Variants in SUPT5H observed in about 807,000 individuals in gnomAD.
The protein encoded by SUPT5H is SPT5 homolog, DSIF elongation factor subunit, also known as transcription elongation factor SPT5.
SUPT5H carries 24 observed loss-of-function variants against 142.5 expected under a neutral mutation model. The observed-to-expected ratio is 0.17, with a 90% confidence interval of 0.12 to 0.24. The LOEUF (loss-of-function observed/expected upper bound fraction) is 0.24, where lower values mean the gene tolerates loss of function less well. SUPT5H is among the 10% of genes least tolerant of loss of function. SUPT5H has a pLI of 1.00. For missense variants in SUPT5H, 893 were observed against 1,471.8 expected, an observed-to-expected ratio of 0.61 and a Z score of 6.43; for synonymous variants, 546 against 553.0, an observed-to-expected ratio of 0.99 and a Z score of 0.18.
chr19:39,472,547 C>T lies in SUPT5H; in HGVS notation c.2035+54C>T. 1 of 1,589,536 alleles carries T rather than the reference C, an allele frequency of 6.3e-7. No homozygotes were observed. The highest frequency in any genetic ancestry group is 2.2e-5 in the East Asian group (1 of 44,696). The stretch of plus-strand genomic sequence containing the variant: ...GGTGGGTAGAAGGGGCTGGAAGGAA[C>T]TTGGTTGTTCAGCCTACACTCACTG... On this transcript the variant is annotated intron_variant, in intron 21 of 29. Transcript: ENST00000432763. This position sits in a 1 kb window ranked among gnomAD's most constrained non-coding sequence, Gnocchi z 4.2.
chr19:39,472,384 A>C lies in SUPT5H; in HGVS notation c.1951-25A>C, dbSNP rs371161852. On this transcript the variant is annotated intron_variant, in intron 20 of 29. Coordinates refer to ENST00000432763, the MANE Select transcript of SUPT5H (RefSeq NM_001111020.3). The surrounding 1 kb of genome is among the most constrained non-coding windows in gnomAD (Gnocchi z 4.2). ...GTGGTTCCCCCATCCCCTGCCTGCC[A>C]GTTCACTCCTTGCTTCTATCCTAGC... The C allele has an allele frequency of 2.1e-5, 34 of 1,612,390 alleles. No individual in the cohort carries two copies. In the African/African-American group the frequency reaches 2.4e-4, roughly 11 times the overall value.
In SUPT5H at chr19:39,470,060, C is replaced by G; in HGVS notation, c.1375-59C>G. 6.4e-7 allele frequency: 1 copy of G among 1,570,624 alleles called. No homozygotes were observed. The highest frequency in any genetic ancestry group is 8.7e-7 in the Non-Finnish European group (1 of 1,151,966). On this transcript the variant is annotated intron_variant, in intron 16 of 29. Coordinates refer to ENST00000432763, the MANE Select transcript of SUPT5H (RefSeq NM_001111020.3). The surrounding 1 kb of genome is among the most constrained non-coding windows in gnomAD (Gnocchi z 5.8). ...GCGTAGATTCTGAAGACAGGAGGGG[C>G]AGGCAGGTTGTGGTGGTCTCCCTTC...
In SUPT5H at chr19:39,469,310, G is replaced by C. The variant is rs1245235009; in HGVS notation, c.1286G>C (p.Cys429Ser). The part of the protein sequence containing the change: ...NFQPGDNVEV[C>S]EGELINLQGK... ...CAACCTGGGGACAACGTGGAGGTCT[G>C]TGAGGGTGAGCTCATCAACCTGCAG... The change falls in exon 16 of 30, where the codon TGT (cysteine) becomes TCT (serine). Residue 429 changes from cysteine to serine, a missense_variant. This residue lies in a region of SUPT5H where 428 missense variants were observed against 763.5 expected (regional missense o/e 0.56). Coordinates refer to ENST00000432763, the MANE Select transcript of SUPT5H (RefSeq NM_001111020.3). The surrounding 1 kb of genome is among the most constrained non-coding windows in gnomAD (Gnocchi z 5.1). The C allele has an allele frequency of 1.2e-6, 2 of 1,614,212 alleles. No individual in the cohort carries two copies. Among genetic ancestry groups the C allele is most frequent in the Admixed American group, 1.7e-5 (1 of 60,020 alleles).
chr19:39,470,332 C>T lies in SUPT5H; in HGVS notation c.1531-45C>T, dbSNP rs748990302. 9.7e-6 allele frequency: 15 copies of T among 1,540,352 alleles called. 1 individual carries two copies. The East Asian group carries it at 1.9e-4, about 19-fold the overall frequency. ...CGTGCCAAGAGGAGACCCAGGTAGGCGAGCCACCTGGACTGGGCCTCACCC... is the reference window on the plus strand; with the variant it reads ...CGTGCCAAGAGGAGACCCAGGTAGGTGAGCCACCTGGACTGGGCCTCACCC... On this transcript the variant is annotated intron_variant, in intron 17 of 29. Coordinates refer to ENST00000432763, the MANE Select transcript of SUPT5H (RefSeq NM_001111020.3). The surrounding 1 kb of genome is among the most constrained non-coding windows in gnomAD (Gnocchi z 5.8).
In SUPT5H at chr19:39,476,636, C is replaced by A; in HGVS notation, c.*237C>A. On this transcript the variant is annotated 3_prime_UTR_variant, in exon 30 of 30. Transcript: ENST00000432763. ...TCCCCACAGCTTGCTTTTGTTGTAC[C>A]GTCTTTCAATAAAAAGAAGCTGTTT... 3 of 526,450 alleles carry A rather than the reference C, an allele frequency of 5.7e-6. No individual in the cohort carries two copies. Among genetic ancestry groups the A allele is most frequent in the Non-Finnish European group, 1.0e-5 (3 of 294,308 alleles). The allele number at this position is 526,450 out of a possible 1,614,324, so 32.6% of individuals were successfully genotyped here.
chr19:39,471,237 T>A, intron 18 of SUPT5H, 120 bp from the exon 19 acceptor site: 1 of 1,231,730 alleles, frequency 8.1e-7, no homozygotes, highest in East Asian at 2.4e-5. Flanking sequence ...GGAATTGAGA[T>A]GCCTTGTGGA....
At chr19:39,447,737 C>T (rs1291606585) in intron 2 of SUPT5H, among the ~76,000 whole-genome samples, 1 of 152,164 alleles carries the variant, frequency 6.6e-6, no homozygotes, top group Non-Finnish European at 1.5e-5. Flanking sequence ...ACCTTTTAAA[C>T]TTATTTTTGT....
Position 39,473,496 on chromosome 19 carries a change from C to T in SUPT5H, c.2467C>T (p.Pro823Ser). The change falls in exon 25 of 30, where the codon CCC becomes TCC. Residue 823 changes from proline to serine, a missense_variant. Pro to Ser is a moderately conservative substitution (Grantham distance 74). Around this residue, in one of 6 missense-constraint regions of SUPT5H, gnomAD observed 336 missense variants for 546.5 expected, o/e 0.61. Transcript: ENST00000432763. The surrounding 1 kb of genome is among the most constrained non-coding windows in gnomAD (Gnocchi z 5.8). The stretch of plus-strand genomic sequence containing the variant: ...TCCTGCCCAGAGTGGGGCCTGGGAC[C>T]CCAACAACCCCAACACGCCGTCACG... ...RTPAQSGAWD[P>S]NNPNTPSRAE... The T allele has an allele frequency of 6.2e-7, 1 of 1,611,640 alleles. No individual in the cohort carries two copies. Among genetic ancestry groups the T allele is most frequent in the Non-Finnish European group, 8.5e-7 (1 of 1,179,934 alleles).
At chr19:39,461,242 A>G (rs892303769) in intron 10 of SUPT5H, among the ~76,000 whole-genome samples, 9 of 151,850 alleles carry the variant, frequency 5.9e-5, no homozygotes, top group African/African-American at 2.2e-4. Context: ...GTGAGCCAAG[A>G]CTGCGCTATT....
chr19:39,445,807 A>G lies in SUPT5H; in HGVS notation c.-84A>G. ...CTAAGGGGTTTTCTTCTCCCAGGGA[A>G]CCAGCGGGGAAACTGAGGCTCGGGG... is the stretch of plus-strand genomic sequence containing the variant. On this transcript the variant is annotated 5_prime_UTR_variant, in exon 2 of 30. Transcript: ENST00000432763. 6.6e-7 allele frequency: 1 copy of G among 1,523,834 alleles called. No homozygotes were observed. Among genetic ancestry groups the G allele is most frequent in the African/African-American group, 1.4e-5 (1 of 73,832 alleles). 94.4% of individuals were successfully genotyped at this position (1,523,834 alleles called of 1,614,324 possible). A position where few individuals can be genotyped will look rare whatever the true frequency, so the allele number is the denominator to read the frequency against.
chr19:39,468,703 A>T (rs770241035), intron 13 of SUPT5H, 53 bp from the exon 14 acceptor site: 1 of 1,549,850 alleles, frequency 6.5e-7, no homozygotes, highest in Non-Finnish European at 8.9e-7. Context: ...AGGTACAGCA[A>T]GATTTTCTTC....
Position 39,476,084 on chromosome 19 carries a change from G to C in SUPT5H, c.3028G>C (p.Gly1010Arg), listed in dbSNP as rs773253839. ...QTGVIRSVTG[G>R]MCSVYLKDSE... ...CCAGGCTGTCCCCATCCTCCAGGGGGGCATGTGCTCTGTGTACCTGAAGGA... is the reference window on the plus strand; with the variant it reads ...CCAGGCTGTCCCCATCCTCCAGGGGCGCATGTGCTCTGTGTACCTGAAGGA... The change falls in exon 29 of 30, where the codon GGC becomes CGC. Residue 1010 changes from glycine to arginine, a missense_variant. Gly to Arg is a moderately radical substitution (Grantham distance 125). Transcript: ENST00000432763. 6.2e-7 allele frequency: 1 copy of C among 1,614,066 alleles called. No homozygotes were observed. The highest frequency in any genetic ancestry group is 8.5e-7 in the Non-Finnish European group (1 of 1,180,000).
intron 2 of SUPT5H, 134 bp from the exon 3 acceptor site, chr19:39,453,222 A>G: frequency 9.8e-7 from 1 of 1,021,708 alleles, no homozygotes; most frequent in Non-Finnish European, 1.3e-6. Flanking sequence ...GCTAGAGTGA[A>G]AGGGATATAT....
In SUPT5H at chr19:39,445,647, T is replaced by C; in HGVS notation, c.-88+10T>C. 1.8e-6 allele frequency: 1 copy of C among 541,920 alleles called. No individual in the cohort carries two copies. The highest frequency in any genetic ancestry group is 3.0e-5 in the East Asian group (1 of 33,586). The allele number at this position is 541,920 out of a possible 1,614,324, so 33.6% of individuals were successfully genotyped here. On this transcript the variant is annotated intron_variant, in intron 1 of 29. Coordinates refer to ENST00000432763, the MANE Select transcript of SUPT5H (RefSeq NM_001111020.3). ...AGGTGGAGCCCGAGAGGTAAGTGCG[T>C]GTGCAGAGGTGGCAGTTCCGGGCGC...
In SUPT5H at chr19:39,466,292, A is replaced by C. The variant is rs960492749; in HGVS notation, c.877-188A>C. 2.0e-5 allele frequency among the ~76,000 whole-genome samples: 3 copies of C among 152,190 alleles called. No individual in the cohort carries two copies. Among genetic ancestry groups the C allele is most frequent in the Non-Finnish European group, 4.4e-5 (3 of 68,032 alleles). ...ATCCAGGTGGAGATACCAAGCAGGC[A>C]GTGGCTACTCAGTGCCAGAGTTGAG... On this transcript the variant is annotated intron_variant, in intron 11 of 29. Transcript: ENST00000432763. This position sits in a 1 kb window ranked among gnomAD's most constrained non-coding sequence, Gnocchi z 4.3.
At chr19:39,454,294 A>C (rs1481436451) in intron 3 of SUPT5H, among the ~76,000 whole-genome samples, 1 of 151,914 alleles carries the variant, frequency 6.6e-6, no homozygotes, top group African/African-American at 2.4e-5. Flanking sequence ...TCTCTGTTCT[A>C]CGTGTTAAAT....
At position 39,470,312 on chromosome 19, in the gene SUPT5H, C is replaced by A; in HGVS notation, c.1530+38C>A. The A allele has an allele frequency of 6.5e-7, 1 of 1,545,096 alleles. No individual in the cohort carries two copies. The highest frequency in any genetic ancestry group is 8.8e-7 in the Non-Finnish European group (1 of 1,139,704). ...AAGGGTCGGGGAAGGGTGCACGTGC[C>A]AAGAGGAGACCCAGGTAGGCGAGCC... is the stretch of plus-strand genomic sequence containing the variant. On this transcript the variant is annotated intron_variant, in intron 17 of 29. Transcript: ENST00000432763. This position sits in a 1 kb window ranked among gnomAD's most constrained non-coding sequence, Gnocchi z 5.8.
intron 9 of SUPT5H, 36 bp from the exon 10 acceptor site, chr19:39,459,856 C>T: frequency 6.2e-7 from 1 of 1,609,884 alleles, no homozygotes; most frequent in Non-Finnish European, 8.5e-7. Context: ...TTCCTCCATC[C>T]TGTCATCTCT....
In SUPT5H at chr19:39,459,159, T is replaced by G. The variant is rs2079128820; in HGVS notation, c.459-25T>G. ...CGGGGATCTGACAGAGCTTCACCCCTTCCTGACTGCCCTCCTCCCTTCAGG... is the reference window on the plus strand; with the variant it reads ...CGGGGATCTGACAGAGCTTCACCCCGTCCTGACTGCCCTCCTCCCTTCAGG... On this transcript the variant is annotated intron_variant, in intron 7 of 29. Coordinates refer to ENST00000432763, the MANE Select transcript of SUPT5H (RefSeq NM_001111020.3). The G allele has an allele frequency of 1.9e-6, 3 of 1,609,348 alleles. No homozygotes were observed. The South Asian group carries it at 3.3e-5, about 18-fold the overall frequency.
Sources: allele counts gnomAD v4.1 joint callset (sites outside exome capture counted in the v4.1 genomes callset), GRCh38; gene constraint gnomAD v4.1.1; regional missense constraint gnomAD v4.1.1; non-coding constraint Gnocchi (gnomAD v3.1); transcripts MANE v1.5; gene names NCBI Gene and HGNC (gene_info 2026-07-23, HGNC 2026-07-21).